ANO3: variants seen among roughly 807,000 people sequenced by gnomAD.
ANO3 encodes the protein anoctamin 3.
Under a neutral mutation model 144.8 loss-of-function variants are expected in ANO3, and 99 were observed. The observed-to-expected ratio is 0.68, with a 90% CI of 0.58 to 0.81. The LOEUF is 0.81. Ranked by LOEUF, ANO3 falls within the 30% of genes least tolerant of loss-of-function variation. The probability of loss-of-function intolerance (pLI) is 0.00; values close to 1 mark genes in which losing one functional copy is unlikely to be tolerated. For missense variants in ANO3, 905 were observed against 1,202.2 expected (o/e 0.75, Z 3.66); for synonymous variants, 414 against 392.6 (o/e 1.05, Z -0.64).
chr11:26,426,939 T>C (rs1481786999), intron 1 of ANO3: 1 of 152,282 alleles, frequency 6.6e-6, no homozygotes, highest in Non-Finnish European at 1.5e-5. Context: ...AATCAAATCT[T>C]CTAACATTCC....
chr11:26,458,195 C>T (rs1433483933), intron 3 of ANO3, among the ~76,000 whole-genome samples: 2 of 152,068 alleles, frequency 1.3e-5, no homozygotes, highest in Non-Finnish European at 2.9e-5. Context: ...AAATAAGGAT[C>T]TGTGCCCTTG....
chr11:26,247,087 T>C (rs1852814442), intron 1 of ANO3, among the ~76,000 whole-genome samples: 1 of 152,254 alleles, frequency 6.6e-6, no homozygotes, highest in Admixed American at 6.5e-5. Flanking sequence ...AAAACAGTTT[T>C]AATGTTGTTC....
At chr11:26,196,062 C>T (rs753868530) in intron 1 of ANO3, among the ~76,000 whole-genome samples, 24 of 152,074 alleles carry the variant, frequency 1.6e-4, no homozygotes, top group Admixed American at 4.6e-4. Context: ...ATATGAGTTG[C>T]TATAAGGACA....
At chr11:26,381,862 G>A (rs527977108) in intron 1 of ANO3, among the ~76,000 whole-genome samples, 2 of 152,164 alleles carry the variant, frequency 1.3e-5, no homozygotes, top group African/African-American at 4.8e-5. Context: ...CAAAGAATTG[G>A]TATTTTATTT....
chr11:26,442,034 TC>T lies in ANO3; in HGVS notation c.166del (p.Leu56SerfsTer15). ...AYSKSLSQST[S>X]LFQSTESESQ... ...CTCAAAGAGCTTGAGCCAGTCTACT[TC>T]CCTCTTCCAGTCAACCGAGAGTGAA... On this transcript the variant is annotated frameshift_variant, in exon 2 of 27. Transcript: ENST00000256737. LOFTEE classifies it high-confidence loss of function. The T allele has an allele frequency of 6.2e-7, 1 of 1,614,172 alleles. No individual in the cohort carries two copies. The highest frequency in any genetic ancestry group is 8.5e-7 in the Non-Finnish European group (1 of 1,180,016).
At chr11:26,459,995 C>T (rs1859323782) in intron 3 of ANO3, 2 of 362,360 alleles carry the variant, frequency 5.5e-6, no homozygotes, top group Admixed American at 7.4e-5. Context: ...GCTCTTAAAA[C>T]ATGTTGATGG....
intron 1 of ANO3, among the ~76,000 whole-genome samples, chr11:26,334,751 T>G (rs1246412134): frequency 1.3e-5 from 2 of 152,212 alleles, no homozygotes; most frequent in Admixed American, 6.5e-5. Flanking sequence ...CTTTTACGAA[T>G]TAATTTAGCT....
At chr11:26,198,921 A>C (rs1330276691) in intron 1 of ANO3, among the ~76,000 whole-genome samples, 5 of 152,184 alleles carry the variant, frequency 3.3e-5, no homozygotes, top group South Asian at 2.1e-4. Context: ...CAGATGTGAT[A>C]ATGAATTTCC....
At chr11:26,363,067 G>T (rs1855970576) in intron 1 of ANO3, among the ~76,000 whole-genome samples, 1 of 152,128 alleles carries the variant, frequency 6.6e-6, no homozygotes, top group Non-Finnish European at 1.5e-5. Flanking sequence ...CAGTTGGTTG[G>T]CATAATTGGG....
intron 1 of ANO3, among the ~76,000 whole-genome samples, chr11:26,202,142 T>C (rs1042494277): frequency 4.7e-5 from 7 of 149,764 alleles, no homozygotes; most frequent in Non-Finnish European, 1.0e-4. Context: ...TACTAAAATT[T>C]CTTAAAAATA....
intron 1 of ANO3, among the ~76,000 whole-genome samples, chr11:26,192,738 A>G (rs969333372): frequency 6.6e-6 from 1 of 152,142 alleles, no homozygotes; most frequent in African/African-American, 2.4e-5. Context: ...AGGACAGCCG[A>G]GAGAGAGCTG....
intron 1 of ANO3, among the ~76,000 whole-genome samples, chr11:26,201,197 A>T (rs548199564): frequency 6.6e-6 from 1 of 152,134 alleles, no homozygotes; most frequent in East Asian, 1.9e-4. Flanking sequence ...TTTATCTTCT[A>T]TGCTGTAAAA....
intron 10 of ANO3, among the ~76,000 whole-genome samples, chr11:26,541,419 A>T (rs797005654): frequency 4.6e-5 from 7 of 152,306 alleles, no homozygotes; most frequent in African/African-American, 1.7e-4. Flanking sequence ...CGTTCTGCAC[A>T]TGTATCCCAG....
At chr11:26,199,398 C>T (rs76938497) in intron 1 of ANO3, among the ~76,000 whole-genome samples, 2,138 of 152,162 alleles carry the variant, frequency 0.014, 38 homozygotes, top group East Asian at 0.099. Context: ...TTTACAGAAA[C>T]TCCTCCAGGG....
chr11:26,465,814 G>A (rs1859582280), intron 4 of ANO3, among the ~76,000 whole-genome samples: 1 of 151,914 alleles, frequency 6.6e-6, no homozygotes, highest in Admixed American at 6.6e-5. Context: ...AACATTTTCT[G>A]AGTTGAGTTG....
intron 1 of ANO3, among the ~76,000 whole-genome samples, chr11:26,431,769 G>A (rs1244668157): frequency 2.6e-5 from 4 of 152,116 alleles, no homozygotes; most frequent in African/African-American, 9.7e-5. Context: ...TAGTGTATAT[G>A]TACCACATTT....
At chr11:26,557,377 C>T (rs904730581) in intron 13 of ANO3, among the ~76,000 whole-genome samples, 10 of 150,540 alleles carry the variant, frequency 6.6e-5, no homozygotes, top group Admixed American at 6.7e-5. Context: ...AGGAGAATGG[C>T]GTGAACCCAG....
chr11:26,234,982 A>G (rs2133805584), intron 1 of ANO3, among the ~76,000 whole-genome samples: 1 of 151,142 alleles, frequency 6.6e-6, no homozygotes, highest in East Asian at 2.0e-4. Context: ...AAGCAGTTAG[A>G]CAGAGAGAGA....
At chr11:26,299,745 A>C (rs564582780) in intron 1 of ANO3, among the ~76,000 whole-genome samples, 1 of 152,118 alleles carries the variant, frequency 6.6e-6, no homozygotes, top group African/African-American at 2.4e-5. Context: ...GTCCTGAAGT[A>C]GGAGTGAGGG....
Sources: gnomAD v4.1 joint callset for allele counts (sites outside exome capture counted in the v4.1 genomes callset) on GRCh38, gnomAD v4.1.1 for gene constraint, MANE v1.5 for transcripts, NCBI Gene and HGNC (gene_info 2026-07-23, HGNC 2026-07-21) for gene names.